The following NFKB1 variants were observed in gnomAD, a reference collection of about 807,000 sequenced individuals.
NFKB1 encodes the protein nuclear factor kappa B subunit 1.
A neutral mutation model predicts 105.1 loss-of-function variants in NFKB1; 9 were observed. That is an observed-to-expected ratio of 0.09 (90% CI 0.05 to 0.15). The LOEUF (loss-of-function observed/expected upper bound fraction) is 0.15. Ranked by LOEUF, NFKB1 falls within the 10% of genes least tolerant of loss-of-function variation. The probability of loss-of-function intolerance (pLI) is 1.00; values close to 1 mark genes in which losing one functional copy is unlikely to be tolerated. For missense variants in NFKB1, 830 were observed against 1,203.7 expected (o/e 0.69, Z 4.59); for synonymous variants, 440 against 442.2 (o/e 1.00, Z 0.06).
intron 5 of NFKB1, among the ~76,000 whole-genome samples, chr4:102,538,675 TTTTAA>T: frequency 6.6e-6 from 1 of 152,206 alleles, no homozygotes; most frequent in Non-Finnish European, 1.5e-5. Context: ...AATATGAGAC[TTTTAA>T]TTTCATAATA....
chr4:102,544,866 T>G (rs1270787569), intron 5 of NFKB1, among the ~76,000 whole-genome samples: 1 of 152,126 alleles, frequency 6.6e-6, no homozygotes, highest in African/African-American at 2.4e-5. Flanking sequence ...TTAAATTTTG[T>G]TTTGTCAGTT....
In NFKB1 at chr4:102,529,864, A is replaced by C; in HGVS notation, c.68A>C (p.His23Pro). 1 of 1,609,422 alleles carries C rather than the reference A, an allele frequency of 6.2e-7. No individual in the cohort carries two copies. Among genetic ancestry groups the C allele is most frequent in the Non-Finnish European group, 8.5e-7 (1 of 1,176,728 alleles). Residue 23 changes from histidine to proline, a missense_variant, in exon 3 of 24, where the codon CAT becomes CCT. By Grantham distance (77) the His-to-Pro change is moderately conservative. Transcript: ENST00000226574. ...TTTCATTTGGATCCTTCTTTGACTC[A>C]TACAATATTTAATCCAGAAGTATTT... is the stretch of plus-strand genomic sequence containing the variant. ...QMFHLDPSLTHTIFNPEVFQP... is the reference protein window; with the variant it reads ...QMFHLDPSLTPTIFNPEVFQP...
At chr4:102,513,789 A>G (rs999681255) in intron 1 of NFKB1, among the ~76,000 whole-genome samples, 3 of 152,144 alleles carry the variant, frequency 2.0e-5, no homozygotes, top group African/African-American at 7.2e-5. Context: ...CATATTCCGC[A>G]TGCTTTCAAT....
intron 13 of NFKB1, among the ~76,000 whole-genome samples, 164 bp downstream of exon 13, chr4:102,595,145 GT>G (rs1726502830): frequency 6.6e-6 from 1 of 152,090 alleles, no homozygotes; most frequent in Non-Finnish European, 1.5e-5. Context: ...ATTATTTCCT[GT>G]GGCTAGTATA....
chr4:102,607,393 G>A lies in NFKB1; in HGVS notation c.2124+74G>A, dbSNP rs1727871469. 5 of 1,489,078 alleles carry A rather than the reference G, an allele frequency of 3.4e-6. No homozygotes were observed. In the Admixed American group the frequency reaches 7.2e-5, roughly 21 times the overall value. 92.2% of individuals were successfully genotyped at this position (1,489,078 alleles called of 1,614,324 possible). ...TAAGGAAATCTTTTCAAAGAAGGAA[G>A]TCAGTAGCTGCTGTTCTCCCTTACA... is the stretch of plus-strand genomic sequence containing the variant. On this transcript the variant is annotated intron_variant, in intron 18 of 23. Coordinates refer to ENST00000226574, the MANE Select transcript of NFKB1 (RefSeq NM_003998.4).
At chr4:102,563,103 C>T (rs543170505) in intron 5 of NFKB1, among the ~76,000 whole-genome samples, 8 of 152,190 alleles carry the variant, frequency 5.3e-5, no homozygotes, top group Admixed American at 2.0e-4. Flanking sequence ...GTACTTTACC[C>T]CAACGTGACA....
chr4:102,502,219 G>C (rs1460302354), intron 1 of NFKB1: 1 of 152,380 alleles, frequency 6.6e-6, no homozygotes, highest in Non-Finnish European at 1.5e-5. Flanking sequence ...GGCGTTCCAT[G>C]AAATGAAAGC....
intron 11 of NFKB1, among the ~76,000 whole-genome samples, chr4:102,588,454 T>TA (rs542006245): frequency 4.7e-4 from 67 of 143,526 alleles, no homozygotes; most frequent in African/African-American, 1.1e-3. Flanking sequence ...CAAAAAAAAA[T>TA]AAAAAAAAAA....
intron 5 of NFKB1, among the ~76,000 whole-genome samples, chr4:102,558,049 T>TA (rs1399829490): frequency 6.7e-6 from 1 of 149,456 alleles, no homozygotes; most frequent in East Asian, 1.9e-4. Context: ...TTTTTTTTTT[T>TA]ACTTTTAAGT....
intron 15 of NFKB1, among the ~76,000 whole-genome samples, chr4:102,599,919 A>G (rs1726991195): frequency 6.6e-6 from 1 of 152,210 alleles, no homozygotes; most frequent in Non-Finnish European, 1.5e-5. Context: ...AATTAAAAGA[A>G]TTACGCTCCT....
chr4:102,616,367 C>A, intron 23 of NFKB1, 67 bp from the exon 24 acceptor site: 1 of 1,564,530 alleles, frequency 6.4e-7, no homozygotes, highest in Non-Finnish European at 8.7e-7. Context: ...GAGTTGTCCA[C>A]AGAATAGTCC....
intron 11 of NFKB1, among the ~76,000 whole-genome samples, chr4:102,590,484 A>ACTT (rs1333359518): frequency 6.6e-6 from 1 of 151,912 alleles, no homozygotes. Context: ...GCATGTACTC[A>ACTT]CTTTATGTCT....
intron 5 of NFKB1, among the ~76,000 whole-genome samples, chr4:102,566,020 G>T (rs1285997122): frequency 1.3e-5 from 2 of 152,072 alleles, no homozygotes; most frequent in Non-Finnish European, 2.9e-5. Context: ...TTATCACAGG[G>T]CTCTGACTTG....
intron 6 of NFKB1, among the ~76,000 whole-genome samples, chr4:102,571,767 C>A (rs1035888294): frequency 2.6e-5 from 4 of 152,092 alleles, no homozygotes; most frequent in African/African-American, 7.2e-5. Context: ...AGAGAAATGC[C>A]AATCAAAACC....
At chr4:102,576,687 G>C (rs1724846850) in intron 6 of NFKB1, among the ~76,000 whole-genome samples, 189 bp from the exon 7 acceptor site, 1 of 152,012 alleles carries the variant, frequency 6.6e-6, no homozygotes, top group Non-Finnish European at 1.5e-5. Context: ...ATGCAGTATA[G>C]GCCATATATT....
chr4:102,580,370 TC>T (rs1725229947), intron 8 of NFKB1, among the ~76,000 whole-genome samples, 164 bp from the exon 9 acceptor site: 1 of 152,196 alleles, frequency 6.6e-6, no homozygotes, highest in Non-Finnish European at 1.5e-5. Flanking sequence ...CAAGAAGTGT[TC>T]CGAGAATTTC....
intron 20 of NFKB1, among the ~76,000 whole-genome samples, chr4:102,610,923 A>T (rs1728349577): frequency 6.6e-6 from 1 of 152,224 alleles, no homozygotes; most frequent in Non-Finnish European, 1.5e-5. Context: ...ATCAGATCAG[A>T]GTTGAGATGT....
intron 5 of NFKB1, among the ~76,000 whole-genome samples, chr4:102,545,090 G>A (rs749201084): frequency 3.9e-4 from 59 of 152,220 alleles, no homozygotes; most frequent in Middle Eastern, 3.4e-3. Flanking sequence ...TTGGCAATTC[G>A]CCTTGATAAG....
intron 15 of NFKB1, among the ~76,000 whole-genome samples, chr4:102,599,095 G>A (rs1726904220): frequency 6.6e-6 from 1 of 152,130 alleles, no homozygotes; most frequent in South Asian, 2.1e-4. Context: ...TAAAACTTCT[G>A]CTATTGGGGA....
Sources: allele counts gnomAD v4.1 joint callset (sites outside exome capture counted in the v4.1 genomes callset), GRCh38; gene constraint gnomAD v4.1.1; transcripts MANE v1.5; gene names NCBI Gene and HGNC (gene_info 2026-07-23, HGNC 2026-07-21).